Variants in TRAF2 observed in about 807,000 individuals in gnomAD.
TRAF2 encodes TNF receptor associated factor 2.
Under a neutral mutation model 55.6 loss-of-function variants are expected in TRAF2, and 6 were observed. The observed-to-expected ratio is 0.11, with a 90% CI of 0.06 to 0.21. TRAF2 has a LOEUF of 0.21. TRAF2 is among the 10% of genes least tolerant of loss of function. The pLI, the probability that TRAF2 is intolerant of heterozygous loss-of-function variation, is 1.00. For synonymous variants in TRAF2, 329 were observed against 276.3 expected (o/e 1.19, Z -1.89); for missense variants, 561 against 684.5 (o/e 0.82, Z 2.01).
chr9:136,886,492 G>GGGGCGGTAGCT (rs957820613), upstream of TRAF2: 116 of 1,002,866 alleles, frequency 1.2e-4, 1 homozygote, highest in East Asian at 6.5e-3. Flanking sequence ...GGCGGCGTTG[G>GGGGCGGTAGCT]GGGCGGTAGC....
intron 1 of TRAF2, among the ~76,000 whole-genome samples, chr9:136,892,662 C>A (rs1253017380): frequency 1.3e-5 from 2 of 151,944 alleles, no homozygotes; most frequent in Non-Finnish European, 2.9e-5. Context: ...GGCAGATTAT[C>A]TGAGGTCAGG....
At chr9:136,886,330 C>T, upstream of TRAF2, 2 of 922,684 alleles carry the variant, frequency 2.2e-6, no homozygotes, top group Non-Finnish European at 2.6e-6. Flanking sequence ...GCGGCTCCTG[C>T]GGGCTCGCTG....
chr9:136,912,458 CCT>C (rs1850137955), intron 6 of TRAF2, among the ~76,000 whole-genome samples: 1 of 152,136 alleles, frequency 6.6e-6, no homozygotes, highest in South Asian at 2.1e-4. Flanking sequence ...CTGTGCCTGG[CCT>C]CTCTTATCTT....
intron 1 of TRAF2, among the ~76,000 whole-genome samples, chr9:136,888,058 A>G (rs909083085): frequency 1.3e-5 from 2 of 151,800 alleles, no homozygotes; most frequent in African/African-American, 4.8e-5. Context: ...TTTAGTAGAG[A>G]TAGGGTTTCA....
At chr9:136,923,074 G>A (rs1033878068) in intron 9 of TRAF2, among the ~76,000 whole-genome samples, 20 of 152,162 alleles carry the variant, frequency 1.3e-4, no homozygotes, top group Non-Finnish European at 1.0e-4. Flanking sequence ...AGCCTCTGCC[G>A]GGTTCTGGCT....
intron 2 of TRAF2, 113 bp from the exon 3 acceptor site, chr9:136,899,481 A>G: frequency 1.1e-6 from 1 of 891,752 alleles, no homozygotes; most frequent in Non-Finnish European, 1.8e-6. Context: ...TTCACTAAGG[A>G]TGAGAAAGTT....
At chr9:136,901,299 G>A (rs1849814725) in intron 4 of TRAF2, among the ~76,000 whole-genome samples, 1 of 152,172 alleles carries the variant, frequency 6.6e-6, no homozygotes, top group Non-Finnish European at 1.5e-5. Flanking sequence ...TTTCTCTCTG[G>A]GATCCTTGTA....
At chr9:136,897,710 C>G (rs116343869) in intron 1 of TRAF2, among the ~76,000 whole-genome samples, 1 of 138,566 alleles carries the variant, frequency 7.2e-6, no homozygotes, top group East Asian at 2.3e-4. Context: ...CACTAGGCAG[C>G]CCCAGGTGTG....
intron 7 of TRAF2, 107 bp downstream of exon 7, chr9:136,916,722 C>T: frequency 9.3e-7 from 1 of 1,071,708 alleles, no homozygotes; most frequent in Non-Finnish European, 1.4e-6. Flanking sequence ...CCTCAGCCAC[C>T]TCTGCAGCAC....
intron 5 of TRAF2, among the ~76,000 whole-genome samples, chr9:136,908,865 G>A (rs541051036): frequency 2.0e-5 from 2 of 101,724 alleles, no homozygotes; most frequent in East Asian, 3.1e-4. Flanking sequence ...GCGAGATTCC[G>A]TCTCGGAAAA....
intron 4 of TRAF2, chr9:136,902,342 G>C (rs1039808939): frequency 1.3e-5 from 2 of 152,554 alleles, no homozygotes; most frequent in African/African-American, 4.8e-5. Context: ...CAGGGAGTAG[G>C]GGTGCTATGC....
intron 9 of TRAF2, among the ~76,000 whole-genome samples, chr9:136,921,759 G>A (rs926026515): frequency 6.6e-6 from 1 of 151,938 alleles, no homozygotes; most frequent in Non-Finnish European, 1.5e-5. Context: ...GTCTCCCCTG[G>A]AGGGCACTGC....
chr9:136,916,645 A>G (rs1015178071), intron 7 of TRAF2, 30 bp downstream of exon 7: 1 of 1,607,484 alleles, frequency 6.2e-7, no homozygotes, highest in African/African-American at 1.3e-5. Context: ...GTTGGGGGCC[A>G]CCCCTCATCC....
rs527323647 is a variant in TRAF2 at position 136,898,723 on chromosome 9, G to A, written c.-18G>A. 33 of 1,612,824 alleles carry A rather than the reference G, an allele frequency of 2.0e-5. No homozygotes were observed. The highest frequency in any genetic ancestry group is 1.0e-4 in the Admixed American group (6 of 60,006). On this transcript the variant is annotated 5_prime_UTR_variant, in exon 2 of 11. Coordinates refer to ENST00000247668, the MANE Select transcript of TRAF2 (RefSeq NM_021138.4). ...TGTGTTCTTCCTTAGGGCTTTGTTCGCGGGGGTCACAGCTCTCATGGCTGC... is the reference window on the plus strand; with the variant it reads ...TGTGTTCTTCCTTAGGGCTTTGTTCACGGGGGTCACAGCTCTCATGGCTGC...
At chr9:136,924,974 T>C (rs1159778741) in intron 10 of TRAF2, among the ~76,000 whole-genome samples, 3 of 152,226 alleles carry the variant, frequency 2.0e-5, no homozygotes, top group Admixed American at 1.3e-4. Context: ...CCTGACCTTG[T>C]GATCCGCCCA....
intron 6 of TRAF2, among the ~76,000 whole-genome samples, chr9:136,913,151 AC>A (rs1378278169): frequency 6.6e-6 from 1 of 152,156 alleles, no homozygotes; most frequent in Non-Finnish European, 1.5e-5. Context: ...TCAAAAAAAA[AC>A]AATAAACAAA....
intron 1 of TRAF2, chr9:136,890,584 G>A (rs1248396291): frequency 6.6e-6 from 1 of 152,214 alleles, no homozygotes; most frequent in African/African-American, 2.4e-5. Context: ...CAACATGTGC[G>A]CAAATTGGGG....
Position 136,916,566 on chromosome 9 carries a change from G to A in TRAF2, c.629G>A (p.Gly210Asp), listed in dbSNP as rs372434556. ...EKFQDHVKTC[G>D]KCRVPCRFHA... ...TTTCAGGACCACGTCAAGACTTGTG[G>A]CAAGTGTCGAGTCCCTTGCAGATTC... is the stretch of plus-strand genomic sequence containing the variant. Residue 210 changes from glycine (G) to aspartate (D), a missense_variant, in exon 7 of 11, where the codon GGC becomes GAC. Physicochemically the swap from Gly to Asp is moderately conservative, Grantham distance 94. Transcript: ENST00000247668. 4 of 1,613,916 alleles carry A rather than the reference G, an allele frequency of 2.5e-6. No homozygotes were observed. Among genetic ancestry groups the A allele is most frequent in the South Asian group, 1.1e-5 (1 of 91,082 alleles).
Position 136,920,426 on chromosome 9 carries a change from C to G in TRAF2, c.871C>G (p.Arg291Gly). The G allele has an allele frequency of 6.2e-7, 1 of 1,614,056 alleles. No homozygotes were observed. The highest frequency in any genetic ancestry group is 8.5e-7 in the Non-Finnish European group (1 of 1,180,036). The stretch of plus-strand genomic sequence containing the variant: ...TGAGAACATTGTCTGCGTCCTGAAC[C>G]GGGAGGTGGAGAGGGTGGCCATGAC... Reference protein sequence around the residue: ...TFENIVCVLNREVERVAMTAE... With the variant: ...TFENIVCVLNGEVERVAMTAE... Residue 291 changes from arginine (R) to glycine (G), a missense_variant, in exon 8 of 11, where the codon CGG becomes GGG. Transcript: ENST00000247668.
Sources: allele counts gnomAD v4.1 joint callset (sites outside exome capture counted in the v4.1 genomes callset), GRCh38; gene constraint gnomAD v4.1.1; transcripts MANE v1.5; gene names NCBI Gene and HGNC (gene_info 2026-07-23, HGNC 2026-07-21).